NISCH: variants seen among roughly 807,000 people sequenced by gnomAD.
The protein encoded by NISCH is I-1 receptor candidate protein.
In NISCH, 55 loss-of-function variants were observed where a neutral mutation model predicts 138.4. That is an observed-to-expected ratio of 0.40 (90% CI 0.32 to 0.50). The LOEUF (loss-of-function observed/expected upper bound fraction) is 0.50. Ranked by LOEUF, NISCH falls within the 20% of genes least tolerant of loss-of-function variation. NISCH has a pLI of 0.71. For synonymous variants in NISCH, 860 were observed against 861.5 expected (o/e 1.00, Z 0.03); for missense variants, 1,643 against 2,005.5 (o/e 0.82, Z 3.45).
intron 3 of NISCH, among the ~76,000 whole-genome samples, chr3:52,465,598 G>T (rs1706759253): frequency 6.6e-6 from 1 of 152,204 alleles, no homozygotes; most frequent in African/African-American, 2.4e-5. Context: ...TGGACGCGTG[G>T]TGACAGGCCT....
chr3:52,457,825 G>T lies in NISCH; in HGVS notation c.94-18G>T, dbSNP rs553949996. 2 of 1,597,046 alleles carry T rather than the reference G, an allele frequency of 1.3e-6. No individual in the cohort carries two copies. Among genetic ancestry groups the T allele is most frequent in the East Asian group, 4.5e-5 (2 of 44,452 alleles). On this transcript the variant is annotated intron_variant, in intron 1 of 20. Coordinates refer to ENST00000345716, the MANE Select transcript of NISCH (RefSeq NM_007184.4). ...GCTGGGCTCCCTTGCCACAAGGGCTGTTGGTTTCCCCTTTTAGGTTTACAT... is the reference window on the plus strand; with the variant it reads ...GCTGGGCTCCCTTGCCACAAGGGCTTTTGGTTTCCCCTTTTAGGTTTACAT...
intron 1 of NISCH, among the ~76,000 whole-genome samples, chr3:52,457,408 G>A (rs1706504648): frequency 6.6e-6 from 1 of 152,222 alleles, no homozygotes; most frequent in Non-Finnish European, 1.5e-5. Context: ...CTGGAAAGAA[G>A]TACAACAGAG....
intron 1 of NISCH, among the ~76,000 whole-genome samples, chr3:52,456,109 G>A (rs1326793033): frequency 6.6e-6 from 1 of 152,140 alleles, no homozygotes; most frequent in Non-Finnish European, 1.5e-5. Context: ...GGTCCAGGAG[G>A]AAGGCGATGG....
rs761821694 is a variant in NISCH, at chr3:52,488,343, G to A, written c.2851G>A (p.Val951Met). The change falls in exon 16 of 21, where the codon GTG becomes ATG. Residue 951 changes from valine to methionine, a missense_variant. Coordinates refer to ENST00000345716, the MANE Select transcript of NISCH (RefSeq NM_007184.4). ...FKLSRVPLSTVLLDPTRSCTQ... is the reference protein window; with the variant it reads ...FKLSRVPLSTMLLDPTRSCTQ... The stretch of plus-strand genomic sequence containing the variant: ...GCTCAGCCGTGTGCCGCTCTCCACC[G>A]TGCTGCTGGACCCCACACGCAGCTG... 7 of 1,613,198 alleles carry A rather than the reference G, an allele frequency of 4.3e-6. No homozygotes were observed. The highest frequency in any genetic ancestry group is 1.3e-5 in the African/African-American group (1 of 74,940).
chr3:52,487,265 C>T lies in NISCH; in HGVS notation c.1773C>T (p.Thr591=). 1 of 1,614,186 alleles carries T rather than the reference C, an allele frequency of 6.2e-7. No homozygotes were observed. Among genetic ancestry groups the T allele is most frequent in the Non-Finnish European group, 8.5e-7 (1 of 1,180,036 alleles). The part of the protein sequence containing the change: ...GSGQIIFLPF[T]CIGYTATNQD... ...GCCAGATCATCTTCCTGCCCTTCAC[C>T]TGCATTGGCTACACGGCCACCAATC... The change falls in exon 16 of 21, where the codon ACC becomes ACT. Residue 591 remains threonine (T), a synonymous_variant. Transcript: ENST00000345716. The surrounding 1 kb of genome is among the most constrained non-coding windows in gnomAD (Gnocchi z 9.1).
chr3:52,478,327 G>C (rs1490913213), intron 10 of NISCH, 45 bp downstream of exon 10: 1 of 1,608,016 alleles, frequency 6.2e-7, no homozygotes, highest in Non-Finnish European at 8.5e-7. Flanking sequence ...GTGCCTTGGT[G>C]TGTATCATGT....
At chr3:52,468,985 A>T (rs1706864352) in intron 3 of NISCH, among the ~76,000 whole-genome samples, 1 of 152,238 alleles carries the variant, frequency 6.6e-6, no homozygotes, top group Non-Finnish European at 1.5e-5. Flanking sequence ...TAAAAGGTAT[A>T]TGCAGACTGG....
intron 3 of NISCH, among the ~76,000 whole-genome samples, chr3:52,470,058 T>G (rs1042013243): frequency 6.7e-6 from 1 of 149,096 alleles, no homozygotes; most frequent in African/African-American, 2.5e-5. Context: ...CACTCCAGCC[T>G]GAGTGACAGA....
At chr3:52,466,504 G>A (rs925813269) in intron 3 of NISCH, among the ~76,000 whole-genome samples, 2 of 150,496 alleles carry the variant, frequency 1.3e-5, no homozygotes, top group African/African-American at 4.9e-5. Context: ...GGCGGAGGTT[G>A]TAGTGAGCCG....
intron 13 of NISCH, 51 bp from the exon 14 acceptor site, chr3:52,484,462 T>TGGGCGCCCCC: frequency 1.3e-6 from 1 of 788,670 alleles, no homozygotes; most frequent in South Asian, 2.1e-5. Context: ...ACAGCCGCTC[T>TGGGCGCCCCC]CCCCGCCCCA....
intron 18 of NISCH, 76 bp from the exon 19 acceptor site, chr3:52,490,629 G>T (rs372816471): frequency 6.3e-7 from 1 of 1,598,542 alleles, no homozygotes; most frequent in Non-Finnish European, 8.6e-7. Flanking sequence ...ACCTGTTCCT[G>T]CTGGATGTGC....
chr3:52,472,915 T>A (rs1706993100), intron 6 of NISCH, among the ~76,000 whole-genome samples: 1 of 152,254 alleles, frequency 6.6e-6, no homozygotes, highest in Non-Finnish European at 1.5e-5. Flanking sequence ...AAAAAAAGTT[T>A]TAAAGCATAA....
rs529508028 is a variant in NISCH at position 52,489,084 on chromosome 3, G to A, written c.3114-252G>A. On this transcript the variant is annotated intron_variant, in intron 16 of 20. Coordinates refer to ENST00000345716, the MANE Select transcript of NISCH (RefSeq NM_007184.4). Reference sequence around the variant, plus strand: ...TTCACCCACCTCAACATCTTGCTGTGTTGTTCAGGCTGGTCTCAAACTTTG... The same window carrying A: ...TTCACCCACCTCAACATCTTGCTGTATTGTTCAGGCTGGTCTCAAACTTTG... Among the ~76,000 whole-genome samples the A allele has an allele frequency of 5.3e-5, 8 of 152,324 alleles. No individual in the cohort carries two copies. The South Asian group carries it at 1.2e-3, about 24-fold the overall frequency.
At chr3:52,471,337 A>T (rs1706939954) in intron 4 of NISCH, 1 of 274,108 alleles carries the variant, frequency 3.6e-6, no homozygotes, top group Non-Finnish European at 7.0e-6. Context: ...CCCAGTCACC[A>T]GCCTGAGGGC....
intron 13 of NISCH, chr3:52,480,873 A>AC (rs1198758823): frequency 2.0e-6 from 3 of 1,534,922 alleles, no homozygotes; most frequent in Non-Finnish European, 2.6e-6. Flanking sequence ...TCACCTCTGA[A>AC]CCCAGGCATC....
rs536627842 is a variant in NISCH at position 52,491,247 on chromosome 3, T to A, written c.3743-105T>A. On this transcript the variant is annotated intron_variant, in intron 19 of 20. Coordinates refer to ENST00000345716, the MANE Select transcript of NISCH (RefSeq NM_007184.4). ...TTTCCTGTGTGGGCCCTCCTGGCCC[T>A]GGCCTCTGGGCTGAGGCTTGCTAGG... 64 of 1,475,838 alleles carry A rather than the reference T, an allele frequency of 4.3e-5. 1 individual carries two copies. In the South Asian group the frequency reaches 9.0e-4, roughly 21 times the overall value. The allele number at this position is 1,475,838 out of a possible 1,614,324, so 91.4% of individuals were successfully genotyped here.
chr3:52,491,327 C>T, intron 19 of NISCH, 25 bp from the exon 20 acceptor site: 3 of 1,598,892 alleles, frequency 1.9e-6, no homozygotes, highest in Non-Finnish European at 1.7e-6. Flanking sequence ...CGGCCTGTGG[C>T]CCTGACCAGC....
Position 52,490,692 on chromosome 3 carries a change from C to T in NISCH, c.3614-13C>T. The T allele has an allele frequency of 6.2e-7, 1 of 1,614,134 alleles. No individual in the cohort carries two copies. Among genetic ancestry groups the T allele is most frequent in the Non-Finnish European group, 8.5e-7 (1 of 1,180,006 alleles). On this transcript the variant is annotated splice_polypyrimidine_tract_variant and intron_variant, in intron 18 of 20. Transcript: ENST00000345716. ...TGCCACCGCCTCCCTCTGTCCCTTT[C>T]TCCATCACACAGATTTCTGGCATCA...
intron 3 of NISCH, 67 bp downstream of exon 3, chr3:52,458,911 C>G (rs562322385): frequency 6.5e-6 from 9 of 1,391,484 alleles, no homozygotes; most frequent in African/African-American, 5.8e-5. Context: ...AGGCAGCAAA[C>G]CAGGGGAGAC....
Sources: allele counts gnomAD v4.1 joint callset (sites outside exome capture counted in the v4.1 genomes callset), GRCh38; gene constraint gnomAD v4.1.1; non-coding constraint Gnocchi (gnomAD v3.1); transcripts MANE v1.5; gene names NCBI Gene and HGNC (gene_info 2026-07-23, HGNC 2026-07-21).